The following PRR5L variants were observed in gnomAD, a reference collection of about 807,000 sequenced individuals.
PRR5L encodes proline-rich protein 5-like.
Under a neutral mutation model 36.4 loss-of-function variants are expected in PRR5L, and 21 were observed. The observed-to-expected ratio is 0.58, with a 90% CI of 0.41 to 0.83. The LOEUF is 0.83. Ranked by LOEUF, PRR5L falls within the 40% of genes least tolerant of loss-of-function variation. The pLI, the probability that PRR5L is intolerant of heterozygous loss-of-function variation, is 0.00. For synonymous variants in PRR5L, 188 were observed against 197.0 expected, an observed-to-expected ratio of 0.95 and a Z score of 0.38; for missense variants, 381 against 473.3, an observed-to-expected ratio of 0.80 and a Z score of 1.81.
At chr11:36,355,419 T>C (rs1347382711) in intron 1 of PRR5L, among the ~76,000 whole-genome samples, 1 of 152,164 alleles carries the variant, frequency 6.6e-6, no homozygotes, top group African/African-American at 2.4e-5. Context: ...AACTAGTTAG[T>C]GTTATGTGCC....
chr11:36,337,712 A>G (rs1054831415), intron 1 of PRR5L, among the ~76,000 whole-genome samples: 6 of 152,144 alleles, frequency 3.9e-5, no homozygotes, highest in Non-Finnish European at 1.5e-5. Context: ...CCTCCACACC[A>G]CATATTCATC....
At chr11:36,389,446 C>T (rs1857521325) in intron 1 of PRR5L, among the ~76,000 whole-genome samples, 1 of 152,150 alleles carries the variant, frequency 6.6e-6, no homozygotes, top group African/African-American at 2.4e-5. Context: ...TTCATCTTAA[C>T]AACGTGCACA....
At chr11:36,438,777 T>TA (rs972916518) in intron 6 of PRR5L, among the ~76,000 whole-genome samples, 24 of 151,768 alleles carry the variant, frequency 1.6e-4, no homozygotes, top group African/African-American at 5.6e-4. Flanking sequence ...CCATCTCTAT[T>TA]AAAAAAAACT....
At chr11:36,459,080 CTG>C (rs1276817651) in intron 8 of PRR5L, among the ~76,000 whole-genome samples, 1 of 152,216 alleles carries the variant, frequency 6.6e-6, no homozygotes, top group African/African-American at 2.4e-5. Context: ...CCCTTTGAAG[CTG>C]TGTTTCTCCC....
chr11:36,339,340 C>T (rs575327546), intron 1 of PRR5L, among the ~76,000 whole-genome samples: 123 of 152,350 alleles, frequency 8.1e-4, no homozygotes, highest in African/African-American at 2.9e-3. Flanking sequence ...ACGATCCACT[C>T]ACCTTGGCCT....
At chr11:36,376,658 G>A (rs1857267448) in intron 1 of PRR5L, 2 of 993,366 alleles carry the variant, frequency 2.0e-6, no homozygotes, top group Non-Finnish European at 2.4e-6. Flanking sequence ...GAGGCGAGCG[G>A]CGGGTGTGCG....
chr11:36,401,065 C>T lies in PRR5L; in HGVS notation c.-57C>T, dbSNP rs182590817. 1.4e-4 allele frequency: 225 copies of T among 1,586,950 alleles called. No homozygotes were observed. Among genetic ancestry groups the T allele is most frequent in the Non-Finnish European group, 1.8e-4 (208 of 1,163,448 alleles). On this transcript the variant is annotated 5_prime_UTR_variant, in exon 2 of 9. Coordinates refer to ENST00000530639, the MANE Select transcript of PRR5L (RefSeq NM_001160167.2). Reference sequence around the variant, plus strand: ...AGGCAGCCCCTGGAGAAGCCCTTTCCGAGGGCATTCGGAACCTTCTGGTCC... The same window carrying T: ...AGGCAGCCCCTGGAGAAGCCCTTTCTGAGGGCATTCGGAACCTTCTGGTCC...
At chr11:36,414,210 G>C (rs1002465092) in intron 3 of PRR5L, among the ~76,000 whole-genome samples, 4 of 151,488 alleles carry the variant, frequency 2.6e-5, no homozygotes, top group East Asian at 2.0e-4. Flanking sequence ...ATGATTTATA[G>C]TCCTTTGGGT....
intron 1 of PRR5L, among the ~76,000 whole-genome samples, chr11:36,382,730 G>A (rs1590511033): frequency 6.6e-6 from 1 of 152,162 alleles, no homozygotes; most frequent in East Asian, 1.9e-4. Flanking sequence ...CCCATTAGAT[G>A]CCCATGGCAT....
chr11:36,351,344 T>C (rs1223883726), intron 1 of PRR5L, among the ~76,000 whole-genome samples: 2 of 86,200 alleles, frequency 2.3e-5, no homozygotes, highest in African/African-American at 9.7e-5. Flanking sequence ...ATATTTATAA[T>C]ATATAATAAA....
intron 1 of PRR5L, among the ~76,000 whole-genome samples, chr11:36,311,544 T>C (rs1009912325): frequency 3.9e-5 from 6 of 152,222 alleles, no homozygotes; most frequent in African/African-American, 1.4e-4. Flanking sequence ...TTACTACTTT[T>C]ATGAAAACTA....
intron 3 of PRR5L, among the ~76,000 whole-genome samples, chr11:36,406,823 AG>A (rs1857921487): frequency 6.6e-6 from 1 of 152,182 alleles, no homozygotes; most frequent in South Asian, 2.1e-4. Context: ...GTTATATGCA[AG>A]AGGGTTTGTG....
chr11:36,402,814 G>A (rs1005431171), intron 2 of PRR5L, among the ~76,000 whole-genome samples: 2 of 152,346 alleles, frequency 1.3e-5, no homozygotes, highest in Middle Eastern at 3.4e-3. Flanking sequence ...TGAGGAGCCT[G>A]TAAGGCTGGC....
chr11:36,338,237 C>A (rs960712579), intron 1 of PRR5L, among the ~76,000 whole-genome samples: 1 of 152,204 alleles, frequency 6.6e-6, no homozygotes, highest in Non-Finnish European at 1.5e-5. Flanking sequence ...TTTCAGGTTT[C>A]CTTTACTTAC....
At chr11:36,341,027 A>T (rs2133480368) in intron 1 of PRR5L, among the ~76,000 whole-genome samples, 1 of 152,298 alleles carries the variant, frequency 6.6e-6, no homozygotes, top group Non-Finnish European at 1.5e-5. Context: ...CCATAAACAA[A>T]TGTAATCCAT....
rs1491154006 is a variant in PRR5L, at chr11:36,351,217, AAT to A, written c.-125-49771_-125-49770del. Reference sequence around the variant, plus strand: ...AATATATTAATAATATAAATATATAAATATATATATTTATATATATTTATATA... The same window carrying A: ...AATATATTAATAATATAAATATATAAATATATATTTATATATATTTATATA... On this transcript the variant is annotated intron_variant, in intron 1 of 8. Transcript: ENST00000530639. Among the ~76,000 whole-genome samples the A allele has an allele frequency of 2.2e-4, 20 of 88,894 alleles. 1 individual carries two copies. Among genetic ancestry groups the A allele is most frequent in the East Asian group, 7.2e-4 (2 of 2,792 alleles). The allele number at this position is 88,894 out of a possible 152,430, so 58.3% of individuals were successfully genotyped here. A position where few individuals can be genotyped will look rare whatever the true frequency, so the allele number is the denominator to read the frequency against.
intron 1 of PRR5L, among the ~76,000 whole-genome samples, chr11:36,351,005 T>TTTATATATTTATATATTTATATAG (rs1565406681): frequency 4.9e-5 from 5 of 102,162 alleles, no homozygotes; most frequent in Non-Finnish European, 8.8e-5. Flanking sequence ...TTTATATATA[T>TTTATATATTTATATATTTATATAG]TTATATAGTT....
At chr11:36,446,552 TTAC>T (rs147017495) in intron 7 of PRR5L, 112 bp downstream of exon 7, 5 of 1,275,564 alleles carry the variant, frequency 3.9e-6, no homozygotes, top group South Asian at 1.4e-5. Flanking sequence ...TTAGCTTGGC[TTAC>T]TACTATTTAG....
At chr11:36,435,074 A>G (rs999287783) in intron 5 of PRR5L, among the ~76,000 whole-genome samples, 1 of 152,002 alleles carries the variant, frequency 6.6e-6, no homozygotes, top group Non-Finnish European at 1.5e-5. Context: ...AAGATAAGGG[A>G]CATCAACAAA....
Sources: allele counts gnomAD v4.1 joint callset (sites outside exome capture counted in the v4.1 genomes callset), GRCh38; gene constraint gnomAD v4.1.1; transcripts MANE v1.5; gene names NCBI Gene and HGNC (gene_info 2026-07-23, HGNC 2026-07-21).